The following ENAH variants were observed in gnomAD, a reference collection of about 807,000 sequenced individuals.
ENAH encodes protein enabled homolog.
A neutral mutation model predicts 78.7 loss-of-function variants in ENAH; 23 were observed. The observed-to-expected ratio is 0.29, with a 90% CI of 0.21 to 0.41. The LOEUF is 0.41. Among genes scored for constraint, ENAH ranks in the 10% least tolerant of loss-of-function variants. The pLI is 1.00. For synonymous variants in ENAH, 226 were observed against 241.0 expected, an observed-to-expected ratio of 0.94 and a Z score of 0.58; for missense variants, 544 against 691.0, an observed-to-expected ratio of 0.79 and a Z score of 2.39.
At chr1:225,552,096 G>C (rs1032835087) in intron 3 of ENAH, among the ~76,000 whole-genome samples, 1 of 148,730 alleles carries the variant, frequency 6.7e-6, no homozygotes, top group East Asian at 2.0e-4. Context: ...GAGAATCTGC[G>C]TAAGAAATTA....
intron 1 of ENAH, among the ~76,000 whole-genome samples, chr1:225,642,766 C>CTA (rs1341299733): frequency 6.6e-6 from 1 of 152,038 alleles, no homozygotes; most frequent in African/African-American, 2.4e-5. Flanking sequence ...AGAAGAAAAA[C>CTA]TACACATCTC....
At chr1:225,506,869 C>A (rs916454408) in intron 11 of ENAH, among the ~76,000 whole-genome samples, 1 of 152,134 alleles carries the variant, frequency 6.6e-6, no homozygotes. Context: ...TAAAGTCTAT[C>A]CCTGTACTTA....
At chr1:225,622,829 G>A (rs112674300) in intron 1 of ENAH, among the ~76,000 whole-genome samples, 1,733 of 152,240 alleles carry the variant, frequency 0.011, 31 homozygotes, top group African/African-American at 0.039. Context: ...GCATGTAAGG[G>A]CAGCTTATAA....
At chr1:225,553,499 A>G (rs2096651625) in intron 3 of ENAH, among the ~76,000 whole-genome samples, 1 of 152,122 alleles carries the variant, frequency 6.6e-6, no homozygotes, top group Admixed American at 6.5e-5. Context: ...AACACGGGAT[A>G]GTCAAATGTC....
intron 1 of ENAH, among the ~76,000 whole-genome samples, chr1:225,576,023 A>G (rs2096785975): frequency 6.6e-6 from 1 of 152,064 alleles, no homozygotes; most frequent in Non-Finnish European, 1.5e-5. Flanking sequence ...GAGCTCCTCA[A>G]CTCATCACTC....
intron 1 of ENAH, among the ~76,000 whole-genome samples, chr1:225,622,183 T>C (rs983441408): frequency 6.6e-6 from 1 of 152,224 alleles, no homozygotes; most frequent in Non-Finnish European, 1.5e-5. Flanking sequence ...GTTAGGCTTA[T>C]GGGGTGATGT....
At chr1:225,650,025 T>C (rs1575877442) in intron 1 of ENAH, among the ~76,000 whole-genome samples, 1 of 152,312 alleles carries the variant, frequency 6.6e-6, no homozygotes, top group Middle Eastern at 3.4e-3. Flanking sequence ...ACTAAGCATA[T>C]ATTAATATAA....
chr1:225,543,706 G>A (rs2096600098), intron 3 of ENAH, among the ~76,000 whole-genome samples: 1 of 152,040 alleles, frequency 6.6e-6, no homozygotes, highest in African/African-American at 2.4e-5. Context: ...TACCTTAACA[G>A]GAATACAAAT....
intron 4 of ENAH, among the ~76,000 whole-genome samples, chr1:225,522,730 G>A (rs1291090277): frequency 1.3e-5 from 2 of 152,058 alleles, no homozygotes; most frequent in Admixed American, 1.3e-4. Flanking sequence ...AAAAATATGG[G>A]CCATTTTACA....
At chr1:225,554,495 G>A (rs1455381494) in intron 3 of ENAH, among the ~76,000 whole-genome samples, 1 of 152,048 alleles carries the variant, frequency 6.6e-6, no homozygotes, top group Non-Finnish European at 1.5e-5. Flanking sequence ...TCAAGTCCAT[G>A]CTTTGAAAAA....
At chr1:225,530,518 T>A in intron 4 of ENAH, 36 bp downstream of exon 4, 1 of 1,533,540 alleles carries the variant, frequency 6.5e-7, no homozygotes, top group Non-Finnish European at 9.0e-7. Flanking sequence ...TTCTGAAGCA[T>A]AAAGAAAAAG....
In ENAH at chr1:225,621,296, C is replaced by CTT. The variant is rs757480714; in HGVS notation, c.5+31388_5+31389dup. Reference sequence around the variant, plus strand: ...GAATTACTTCTTTAAATCTATCTCTCTTTTTTTTTTTTTTGAGACGCAGTC... The same window carrying CTT: ...GAATTACTTCTTTAAATCTATCTCTCTTTTTTTTTTTTTTTTGAGACGCAGTC... On this transcript the variant is annotated intron_variant, in intron 1 of 13. Coordinates refer to ENST00000366843, the MANE Select transcript of ENAH (RefSeq NM_018212.6). Among the ~76,000 whole-genome samples the CTT allele has an allele frequency of 7.7e-5, 11 of 142,758 alleles. 1 individual carries two copies. The highest frequency in any genetic ancestry group is 1.2e-4 in the Non-Finnish European group (8 of 65,072). The allele number at this position is 142,758 out of a possible 152,430, so 93.7% of individuals were successfully genotyped here.
At chr1:225,502,304 C>G (rs2096287143) in intron 11 of ENAH, among the ~76,000 whole-genome samples, 1 of 152,090 alleles carries the variant, frequency 6.6e-6, no homozygotes, top group Non-Finnish European at 1.5e-5. Flanking sequence ...CTCCGCCTCC[C>G]CGGTTCAAGT....
chr1:225,598,687 AAAAT>A (rs1386262493), intron 1 of ENAH, among the ~76,000 whole-genome samples: 2 of 152,186 alleles, frequency 1.3e-5, no homozygotes, highest in African/African-American at 4.8e-5. Flanking sequence ...GGGATGGAAA[AAAAT>A]AAAAGAATGG....
intron 5 of ENAH, chr1:225,517,711 G>T: frequency 6.4e-7 from 1 of 1,551,228 alleles, no homozygotes. Context: ...AGAAGGTCGA[G>T]AGTTTTTGTT....
At chr1:225,617,098 CAATT>C (rs1655878150) in intron 1 of ENAH, among the ~76,000 whole-genome samples, 2 of 140,854 alleles carry the variant, frequency 1.4e-5, no homozygotes, top group African/African-American at 2.9e-5. Flanking sequence ...GGCTCCATCT[CAATT>C]AAAAAAAAAA....
At chr1:225,589,543 C>T (rs1227944828) in intron 1 of ENAH, among the ~76,000 whole-genome samples, 13 of 152,146 alleles carry the variant, frequency 8.5e-5, no homozygotes, top group Non-Finnish European at 1.8e-4. Context: ...TTACATATAA[C>T]CTATACACAT....
Position 225,530,602 on chromosome 1 carries a change from G to A in ENAH, c.386C>T (p.Ala129Val), listed in dbSNP as rs2096533152. 1.2e-6 allele frequency: 2 copies of A among 1,613,582 alleles called. No individual in the cohort carries two copies. The highest frequency in any genetic ancestry group is 1.3e-5 in the African/African-American group (1 of 74,996). ...TLPRQNSQLP[A>V]QVQNGPSQEE... ...TTGGGATGGGCCATTTTGAACTTGA[G>A]CAGGTAGTTGTGAGTTTTGTCTAGG... The change falls in exon 4 of 14, where the codon GCT becomes GTT. Residue 129 changes from alanine (A) to valine (V), a missense_variant. Physicochemically the swap from Ala to Val is moderately conservative, Grantham distance 64 (BLOSUM62 0). Coordinates refer to ENST00000366843, the MANE Select transcript of ENAH (RefSeq NM_018212.6).
intron 12 of ENAH, 145 bp downstream of exon 12, chr1:225,500,844 GTAC>G (rs1294701779): frequency 1.4e-6 from 1 of 740,502 alleles, no homozygotes; most frequent in Non-Finnish European, 2.2e-6. Context: ...CAAAAATGCA[GTAC>G]TACTAATGCC....
Sources: gnomAD v4.1 joint callset for allele counts (sites outside exome capture counted in the v4.1 genomes callset) on GRCh38, gnomAD v4.1.1 for gene constraint, MANE v1.5 for transcripts, NCBI Gene and HGNC (gene_info 2026-07-23, HGNC 2026-07-21) for gene names.